Variants in ATP6V1D observed in about 807,000 individuals in gnomAD.
The protein encoded by ATP6V1D is V-type proton ATPase subunit D.
A neutral mutation model predicts 39.4 loss-of-function variants in ATP6V1D; 20 were observed. The observed-to-expected ratio is 0.51, with a 90% CI of 0.36 to 0.74. The LOEUF (loss-of-function observed/expected upper bound fraction) is 0.74. Among genes scored for constraint, ATP6V1D ranks in the 30% least tolerant of loss-of-function variants. The pLI is 0.00. For synonymous variants in ATP6V1D, 100 were observed against 100.5 expected (o/e 0.99, Z 0.03); for missense variants, 228 against 291.6 (o/e 0.78, Z 1.59).
At chr14:67,340,101 C>G (rs952261098) in intron 8 of ATP6V1D, 1 of 200,226 alleles carries the variant, frequency 5.0e-6, no homozygotes, top group Non-Finnish European at 1.0e-5. Flanking sequence ...CTCTCTATTA[C>G]GCACAATCAG....
intron 3 of ATP6V1D, among the ~76,000 whole-genome samples, chr14:67,350,210 G>A: frequency 6.6e-6 from 1 of 152,120 alleles, no homozygotes; most frequent in African/African-American, 2.4e-5. Flanking sequence ...GAATAATTCA[G>A]TAGAAACAAA....
chr14:67,346,692 A>G (rs1161248771), intron 5 of ATP6V1D, among the ~76,000 whole-genome samples: 1 of 152,242 alleles, frequency 6.6e-6, no homozygotes, highest in Non-Finnish European at 1.5e-5. Flanking sequence ...AATGGAATGA[A>G]TAAGACAGTT....
intron 8 of ATP6V1D, 30 bp downstream of exon 8, chr14:67,340,405 CAAAAG>C (rs2085570765): frequency 6.3e-7 from 1 of 1,581,540 alleles, no homozygotes; most frequent in Non-Finnish European, 8.7e-7. Context: ...ATATGGAAAA[CAAAAG>C]ATGATCAATA....
Position 67,338,514 on chromosome 14 carries a change from T to G in ATP6V1D, c.*107A>C. On this transcript the variant is annotated 3_prime_UTR_variant, in exon 9 of 9. Coordinates refer to ENST00000216442, the MANE Select transcript of ATP6V1D (RefSeq NM_015994.4). ...ACATCTAGGTAAATTTTACAACCAG[T>G]GAAATTCTTAGGCCAAAAAATAAAT... 1.5e-5 allele frequency: 19 copies of G among 1,256,802 alleles called. No individual in the cohort carries two copies. Among genetic ancestry groups the G allele is most frequent in the Non-Finnish European group, 2.0e-5 (19 of 931,226 alleles). The allele number at this position is 1,256,802 out of a possible 1,614,324, so 77.9% of individuals were successfully genotyped here. A position where few individuals can be genotyped will look rare whatever the true frequency, so the allele number is the denominator to read the frequency against.
chr14:67,350,785 A>G, intron 2 of ATP6V1D, 95 bp from the exon 3 acceptor site: 1 of 1,187,360 alleles, frequency 8.4e-7, no homozygotes, highest in Non-Finnish European at 1.2e-6. Context: ...TCAGTATTTT[A>G]TGCTGGCTGT....
chr14:67,342,881 C>T (rs1268092920), intron 7 of ATP6V1D, among the ~76,000 whole-genome samples: 2 of 151,804 alleles, frequency 1.3e-5, no homozygotes, highest in Non-Finnish European at 2.9e-5. Context: ...CAAAAAGTAC[C>T]ATCAACACTA....
In ATP6V1D at chr14:67,357,706, T is replaced by C. The variant is rs2085694858; in HGVS notation, c.41+1952A>G. On this transcript the variant is annotated intron_variant, in intron 1 of 8. Transcript: ENST00000216442. ...GGGAAAGGGCTGAGCTCAATTCTCA[T>C]TTGTGCAGAGGTGACTGGCCATTTT... Among the ~76,000 whole-genome samples the C allele has an allele frequency of 2.6e-5, 4 of 152,170 alleles. No homozygotes were observed. In the South Asian group the frequency reaches 6.2e-4, roughly 24 times the overall value.
intron 1 of ATP6V1D, among the ~76,000 whole-genome samples, chr14:67,357,859 A>G (rs1351293213): frequency 1.3e-5 from 2 of 152,198 alleles, no homozygotes; most frequent in Non-Finnish European, 2.9e-5. Flanking sequence ...CTATCCTCTC[A>G]CACAGACTGG....
At chr14:67,343,945 G>C (rs1322072030) in intron 6 of ATP6V1D, among the ~76,000 whole-genome samples, 1 of 152,162 alleles carries the variant, frequency 6.6e-6, no homozygotes, top group African/African-American at 2.4e-5. Flanking sequence ...GTCACATTTG[G>C]TAGGTTTCCA....
chr14:67,359,063 G>T (rs2141118490), intron 1 of ATP6V1D, among the ~76,000 whole-genome samples: 1 of 152,302 alleles, frequency 6.6e-6, no homozygotes, highest in East Asian at 1.9e-4. Context: ...CGGTGAGAGA[G>T]CAAAAGCAGT....
intron 1 of ATP6V1D, among the ~76,000 whole-genome samples, chr14:67,356,434 C>CA (rs11323157): frequency 0.016 from 2,096 of 129,636 alleles, 26 homozygotes; most frequent in East Asian, 0.06. Context: ...AAAACAAAAA[C>CA]AAAAAAAAAA....
rs202197245 is a variant in ATP6V1D, at chr14:67,352,902, T to A, written c.159+21A>T. ...TGGATTTTTCTAAAATAAATACTAT[T>A]CTAAGAAAAGTTCATTCTACCTCTA... On this transcript the variant is annotated intron_variant, in intron 2 of 8. Coordinates refer to ENST00000216442, the MANE Select transcript of ATP6V1D (RefSeq NM_015994.4). The A allele has an allele frequency of 5.2e-6, 8 of 1,532,874 alleles. No homozygotes were observed. In the East Asian group the frequency reaches 1.8e-4, roughly 35 times the overall value. The allele number at this position is 1,532,874 out of a possible 1,614,324, so 95.0% of individuals were successfully genotyped here.
chr14:67,354,109 C>T (rs1177430114), intron 1 of ATP6V1D: 2 of 152,118 alleles, frequency 1.3e-5, no homozygotes, highest in African/African-American at 4.8e-5. Flanking sequence ...TTATAAATTA[C>T]CCAGTCTCAA....
chr14:67,351,691 TCTTC>T lies in ATP6V1D; in HGVS notation c.160-1005_160-1002del, dbSNP rs550301115. 3.8e-4 allele frequency among the ~76,000 whole-genome samples: 58 copies of T among 152,042 alleles called. 1 individual carries two copies. The South Asian group carries it at 0.012, about 30-fold the overall frequency. On this transcript the variant is annotated intron_variant, in intron 2 of 8. Coordinates refer to ENST00000216442, the MANE Select transcript of ATP6V1D (RefSeq NM_015994.4). ...ACTCTGCTAATTTTCTTCTTCTTCT[TCTTC>T]TTTTTTGTAGAGACAAGGTCTCACT...
chr14:67,356,152 G>C (rs2085683632), intron 1 of ATP6V1D, among the ~76,000 whole-genome samples: 1 of 152,052 alleles, frequency 6.6e-6, no homozygotes, highest in Non-Finnish European at 1.5e-5. Context: ...AGGTGCAGTG[G>C]CTCACACCTG....
At chr14:67,359,509 A>C in intron 1 of ATP6V1D, 149 bp downstream of exon 1, 1 of 835,176 alleles carries the variant, frequency 1.2e-6, no homozygotes, top group Non-Finnish European at 1.8e-6. Context: ...GGCCGTCAGG[A>C]AGCCTCGCCC....
At chr14:67,342,557 CTTT>C (rs767148771) in intron 7 of ATP6V1D, among the ~76,000 whole-genome samples, 3 of 136,964 alleles carry the variant, frequency 2.2e-5, no homozygotes, top group Non-Finnish European at 3.1e-5. Flanking sequence ...ACGAATTATC[CTTT>C]TTTTTTTTTT....
At chr14:67,356,423 A>T (rs2085685103) in intron 1 of ATP6V1D, among the ~76,000 whole-genome samples, 1 of 126,214 alleles carries the variant, frequency 7.9e-6, no homozygotes, top group Non-Finnish European at 1.5e-5. Flanking sequence ...CCTGCCTCAA[A>T]AAAACAAAAA....
chr14:67,345,902 T>C, intron 5 of ATP6V1D, 31 bp from the exon 6 acceptor site: 1 of 1,412,466 alleles, frequency 7.1e-7, no homozygotes, highest in East Asian at 2.3e-5. Context: ...ACATTTTTAA[T>C]TAGAGTAAAA....
Sources: allele counts gnomAD v4.1 joint callset (sites outside exome capture counted in the v4.1 genomes callset), GRCh38; gene constraint gnomAD v4.1.1; transcripts MANE v1.5; gene names NCBI Gene and HGNC (gene_info 2026-07-23, HGNC 2026-07-21).